Variants in PDZD2 observed in about 807,000 individuals in gnomAD.
PDZD2 encodes PDZ domain containing 2, also known as PDZ domain-containing protein 2.
In PDZD2, 90 loss-of-function variants were observed where a neutral mutation model predicts 220.7. The observed-to-expected ratio is 0.41, with a 90% CI of 0.34 to 0.49. The LOEUF (loss-of-function observed/expected upper bound fraction) is 0.49, where lower values mean the gene tolerates loss of function less well. Ranked by LOEUF, PDZD2 falls within the 20% of genes least tolerant of loss-of-function variation. PDZD2 has a pLI of 0.28. For missense variants in PDZD2, 3,174 were observed against 3,608.5 expected (o/e 0.88, Z 3.08); for synonymous variants, 1,375 against 1,450.5 (o/e 0.95, Z 1.18).
intron 2 of PDZD2, among the ~76,000 whole-genome samples, chr5:31,966,797 G>C (rs1748800173): frequency 6.6e-6 from 1 of 152,170 alleles, no homozygotes; most frequent in South Asian, 2.1e-4. Flanking sequence ...TGGGGAGGAA[G>C]GTCACAGAAC....
At chr5:31,835,689 A>AGGGACAGTTACATGAACTCATCTT (rs1756907579) in intron 2 of PDZD2, among the ~76,000 whole-genome samples, 1 of 152,064 alleles carries the variant, frequency 6.6e-6, no homozygotes, top group South Asian at 2.1e-4. Flanking sequence ...GAATTCATCT[A>AGGGACAGTTACATGAACTCATCTT]GGGACAGTTA....
Position 31,956,546 on chromosome 5 carries a change from C to CAA in PDZD2, c.477-26597_477-26596dup, listed in dbSNP as rs201323301. ...TGGGCGACAGAGTGAGACTCTGTCTCAAAAAAAAAAAAATAAATAAAATAA... is the reference window on the plus strand; with the variant it reads ...TGGGCGACAGAGTGAGACTCTGTCTCAAAAAAAAAAAAAAATAAATAAAATAA... On this transcript the variant is annotated intron_variant, in intron 2 of 24. Transcript: ENST00000438447. 2.9e-3 allele frequency among the ~76,000 whole-genome samples: 263 copies of CAA among 92,014 alleles called. 2 individuals carry two copies. Among genetic ancestry groups the CAA allele is most frequent in the African/African-American group, 0.011 (250 of 22,694 alleles). The allele number at this position is 92,014 out of a possible 152,430, so 60.4% of individuals were successfully genotyped here.
At chr5:31,659,219 T>G (rs1745673003) in intron 1 of PDZD2, among the ~76,000 whole-genome samples, 1 of 152,058 alleles carries the variant, frequency 6.6e-6, no homozygotes, top group African/African-American at 2.4e-5. Flanking sequence ...TGCAAAACCT[T>G]TATTCTCCCT....
At chr5:32,014,779 A>T (rs569779098) in intron 6 of PDZD2, among the ~76,000 whole-genome samples, 1 of 132,958 alleles carries the variant, frequency 7.5e-6, no homozygotes, top group Non-Finnish European at 1.5e-5. Flanking sequence ...GCAGTGGCGC[A>T]ATCTCTGCTC....
chr5:32,066,959 G>T (rs1740265965), intron 14 of PDZD2, among the ~76,000 whole-genome samples: 2 of 152,174 alleles, frequency 1.3e-5, no homozygotes, highest in Non-Finnish European at 2.9e-5. Flanking sequence ...TGTTTGACTG[G>T]ATTTCATGTT....
At chr5:32,100,486 A>G (rs763787869) in intron 23 of PDZD2, 16 of 273,692 alleles carry the variant, frequency 5.8e-5, no homozygotes, top group South Asian at 1.9e-4. Context: ...ATTTCCTCAC[A>G]GTGGAGCAAG....
intron 14 of PDZD2, among the ~76,000 whole-genome samples, chr5:32,068,989 C>T (rs185335727): frequency 2.9e-4 from 44 of 152,168 alleles, no homozygotes; most frequent in East Asian, 1.4e-3. Flanking sequence ...AGAATTAGGC[C>T]GGACGCGGTG....
chr5:32,006,446 T>C (rs1456922277), intron 5 of PDZD2, among the ~76,000 whole-genome samples: 1 of 150,142 alleles, frequency 6.7e-6, no homozygotes, highest in African/African-American at 2.4e-5. Flanking sequence ...GCCTGAAACC[T>C]GAGGCTCAAG....
At chr5:32,028,468 T>A (rs1754848978) in intron 6 of PDZD2, among the ~76,000 whole-genome samples, 1 of 152,186 alleles carries the variant, frequency 6.6e-6, no homozygotes, top group African/African-American at 2.4e-5. Flanking sequence ...TTTCAGAGGT[T>A]CTGCAATGAT....
At chr5:32,003,327 ACCCC>A (rs1404500572) in intron 5 of PDZD2, among the ~76,000 whole-genome samples, 1 of 29,148 alleles carries the variant, frequency 3.4e-5, no homozygotes, top group Non-Finnish European at 6.7e-5. Context: ...CCACACACAC[ACCCC>A]CACCACACCA....
chr5:31,780,692 T>G (rs1248428519), intron 1 of PDZD2, among the ~76,000 whole-genome samples: 3 of 152,170 alleles, frequency 2.0e-5, no homozygotes, highest in Non-Finnish European at 4.4e-5. Flanking sequence ...CAGGATGTTT[T>G]CAAGAGGCTG....
At chr5:31,888,342 C>T (rs1189149703) in intron 2 of PDZD2, among the ~76,000 whole-genome samples, 1 of 152,036 alleles carries the variant, frequency 6.6e-6, no homozygotes, top group African/African-American at 2.4e-5. Flanking sequence ...ACAGGCGTGC[C>T]GCCATGCTTG....
intron 6 of PDZD2, among the ~76,000 whole-genome samples, chr5:32,027,352 C>A: frequency 6.6e-6 from 1 of 152,192 alleles, no homozygotes; most frequent in Non-Finnish European, 1.5e-5. Context: ...CCTCAACTTT[C>A]TAAGGAACCA....
chr5:31,901,862 A>G (rs1742134109), intron 2 of PDZD2, among the ~76,000 whole-genome samples: 1 of 152,164 alleles, frequency 6.6e-6, no homozygotes, highest in South Asian at 2.1e-4. Context: ...AATGAAATCT[A>G]TGTGGTCTTT....
At chr5:31,772,024 G>A (rs80316369) in intron 1 of PDZD2, among the ~76,000 whole-genome samples, 3,951 of 152,296 alleles carry the variant, frequency 0.026, 85 homozygotes, top group Non-Finnish European at 0.036. Context: ...TGGTGTGGGG[G>A]TGGGGAGAGG....
chr5:31,892,281 C>T lies in PDZD2; in HGVS notation c.477-90874C>T, dbSNP rs554098124. ...TCTATCTACCCAGCTCCCTAATGTACCTATTGCTCTGCTGACCAGCAATAA... is the reference window on the plus strand; with the variant it reads ...TCTATCTACCCAGCTCCCTAATGTATCTATTGCTCTGCTGACCAGCAATAA... On this transcript the variant is annotated intron_variant, in intron 2 of 24. Transcript: ENST00000438447. Among the ~76,000 whole-genome samples, 3 of 152,276 alleles carry T rather than the reference C, an allele frequency of 2.0e-5. No homozygotes were observed. In the East Asian group the frequency reaches 5.8e-4, roughly 29 times the overall value.
intron 2 of PDZD2, among the ~76,000 whole-genome samples, chr5:31,805,124 G>A (rs1754637580): frequency 6.6e-6 from 1 of 152,216 alleles, no homozygotes; most frequent in African/African-American, 2.4e-5. Context: ...GAACCCAGGA[G>A]GTGGATGTTG....
intron 1 of PDZD2, among the ~76,000 whole-genome samples, chr5:31,768,028 T>C (rs546195196): frequency 1.0e-3 from 157 of 152,334 alleles, no homozygotes; most frequent in Non-Finnish European, 1.7e-3. Flanking sequence ...CAGCTCTTCC[T>C]TCCAGGATTG....
intron 2 of PDZD2, among the ~76,000 whole-genome samples, chr5:31,848,577 CG>C (rs1757728167): frequency 6.6e-6 from 1 of 151,284 alleles, no homozygotes; most frequent in African/African-American, 2.4e-5. Flanking sequence ...GGTGAAACCC[CG>C]TCTCTACTAA....
Sources: gnomAD v4.1 joint callset for allele counts (sites outside exome capture counted in the v4.1 genomes callset) on GRCh38, gnomAD v4.1.1 for gene constraint, MANE v1.5 for transcripts, NCBI Gene and HGNC (gene_info 2026-07-23, HGNC 2026-07-21) for gene names.